The following LRRC66 variants were observed in gnomAD, a reference collection of about 807,000 sequenced individuals.
The protein encoded by LRRC66 is leucine rich repeat containing 66.
In LRRC66, 29 loss-of-function variants were observed where a neutral mutation model predicts 24.6. The ratio of observed to expected loss-of-function variants is 1.18; its 90% CI spans 0.88 to 1.61. The LOEUF is 1.61. Among genes scored for constraint, LRRC66 ranks in the 40% most tolerant of loss-of-function variants. The pLI is 0.00. For missense variants in LRRC66, 1,124 were observed against 1,058.0 expected, an observed-to-expected ratio of 1.06 and a Z score of -0.87; for synonymous variants, 411 against 397.6, an observed-to-expected ratio of 1.03 and a Z score of -0.40.
chr4:51,994,841 C>T lies in LRRC66; in HGVS notation c.2181G>A (p.Glu727=), dbSNP rs764877669. Residue 727 remains glutamate, a synonymous_variant, in exon 5 of 5, where the codon GAG becomes GAA. Coordinates refer to ENST00000682860, the MANE Select transcript of LRRC66 (RefSeq NM_001024611.3). The part of the protein sequence containing the change: ...SSESARSKTE[E]AVPDEESLQD... ...GCAGGGACTCCTCATCAGGCACTGCCTCTTCAGTCTTGCTCCTTGCACTCT... is the reference window on the plus strand; with the variant it reads ...GCAGGGACTCCTCATCAGGCACTGCTTCTTCAGTCTTGCTCCTTGCACTCT... 23 of 1,614,112 alleles carry T rather than the reference C, an allele frequency of 1.4e-5. No homozygotes were observed. The highest frequency in any genetic ancestry group is 2.7e-5 in the African/African-American group (2 of 74,940).
chr4:52,012,690 A>T (rs2110202003), intron 2 of LRRC66, among the ~76,000 whole-genome samples: 1 of 152,202 alleles, frequency 6.6e-6, no homozygotes, highest in East Asian at 1.9e-4. Flanking sequence ...AAGAGAGGAG[A>T]GTTGAATGCT....
chr4:52,007,537 C>T (rs1377329291), intron 2 of LRRC66, among the ~76,000 whole-genome samples: 1 of 152,048 alleles, frequency 6.6e-6, no homozygotes, highest in Non-Finnish European at 1.5e-5. Context: ...GGCCTCCATG[C>T]TTGTTACATT....
intron 2 of LRRC66, among the ~76,000 whole-genome samples, chr4:52,016,901 T>G (rs1260167556): frequency 6.6e-6 from 1 of 152,186 alleles, no homozygotes; most frequent in Non-Finnish European, 1.5e-5. Flanking sequence ...CACATAACAT[T>G]AATGTCAGAT....
rs557223801 is a variant in LRRC66, at chr4:52,005,681, T to C, written c.497-2289A>G. Among the ~76,000 whole-genome samples, 6 of 151,568 alleles carry C rather than the reference T, an allele frequency of 4.0e-5. No homozygotes were observed. The East Asian group carries it at 9.7e-4, about 25-fold the overall frequency. ...TTGAATGAGAGAGAACTAAGGCTTA[T>C]AGTCAGCTTATTCTGGTAAAAAATA... On this transcript the variant is annotated intron_variant, in intron 2 of 4. Transcript: ENST00000682860.
chr4:52,010,330 T>C (rs566605309), intron 2 of LRRC66, among the ~76,000 whole-genome samples: 8 of 152,312 alleles, frequency 5.3e-5, no homozygotes, highest in African/African-American at 1.9e-4. Context: ...TTTAAAATAA[T>C]GTCAACTTTT....
intron 2 of LRRC66, among the ~76,000 whole-genome samples, chr4:52,009,157 AAGAAAAATCAAAAT>A (rs1254788779): frequency 6.6e-6 from 1 of 152,196 alleles, no homozygotes; most frequent in Non-Finnish European, 1.5e-5. Context: ...CCATGGGACC[AAGAAAAATCAAAAT>A]AGAAATAATT....
At chr4:52,018,270 C>T in intron 1 of LRRC66, 1 of 984,966 alleles carries the variant, frequency 1.0e-6, no homozygotes, top group Non-Finnish European at 1.2e-6. Context: ...TAATACGATA[C>T]AGAAACATTG....
At chr4:52,003,087 T>C in intron 3 of LRRC66, 136 bp downstream of exon 3, 1 of 666,972 alleles carries the variant, frequency 1.5e-6, no homozygotes, top group Non-Finnish European at 2.4e-6. Flanking sequence ...TTTTAAGGGA[T>C]CTTAAAATAG....
intron 1 of LRRC66, chr4:52,018,691 G>GC: frequency 1.4e-6 from 1 of 725,426 alleles, no homozygotes; most frequent in Non-Finnish European, 1.7e-6. Context: ...GCTCCTTATT[G>GC]CCTATAGTCC....
rs772578354 is a variant in LRRC66 at position 51,996,085 on chromosome 4, T to C, written c.937A>G (p.Met313Val). Residue 313 changes from methionine (M) to valine (V), a missense_variant, in exon 5 of 5, where the codon ATG becomes GTG. By Grantham distance (21) the Met-to-Val change is conservative. Coordinates refer to ENST00000682860, the MANE Select transcript of LRRC66 (RefSeq NM_001024611.3). Reference protein sequence around the residue: ...TRLPPIHLHRMKSLIRSKAER... With the variant: ...TRLPPIHLHRVKSLIRSKAER... ...GCTTTGCTCCTTATGAGGCTTTTCA[T>C]GCGATGCAGATGAATGGGAGGAAGG... 6.2e-6 allele frequency: 10 copies of C among 1,614,098 alleles called. No individual in the cohort carries two copies. Among genetic ancestry groups the C allele is most frequent in the Non-Finnish European group, 8.5e-6 (10 of 1,180,002 alleles).
In LRRC66 at chr4:52,010,916, A is replaced by G. The variant is rs563856832; in HGVS notation, c.496+6202T>C. The stretch of plus-strand genomic sequence containing the variant: ...GACATGGATAAGTCTCAAAATAATT[A>G]TGCTGAAAAAAGACGTTAGACCAAA... On this transcript the variant is annotated intron_variant, in intron 2 of 4. Coordinates refer to ENST00000682860, the MANE Select transcript of LRRC66 (RefSeq NM_001024611.3). Among the ~76,000 whole-genome samples, 5 of 152,360 alleles carry G rather than the reference A, an allele frequency of 3.3e-5. No individual in the cohort carries two copies. In the South Asian group the frequency reaches 1.0e-3, roughly 32 times the overall value.
rs775097613 is a variant in LRRC66 at position 51,995,927 on chromosome 4, G to T, written c.1095C>A (p.Ala365=). 1 of 1,613,884 alleles carries T rather than the reference G, an allele frequency of 6.2e-7. No individual in the cohort carries two copies. Among genetic ancestry groups the T allele is most frequent in the Admixed American group, 1.7e-5 (1 of 59,994 alleles). ...SVRSTRDVQA[A]GKKEDAPQDL... is the part of the protein sequence containing the mutation. ...CCTGGGGAGCGTCCTCTTTTTTGCC[G>T]GCAGCCTGCACATCGCGGGTGCTTC... is the stretch of plus-strand genomic sequence containing the variant. Residue 365 remains alanine, a synonymous_variant, in exon 5 of 5, where the codon GCC becomes GCA. Coordinates refer to ENST00000682860, the MANE Select transcript of LRRC66 (RefSeq NM_001024611.3).
intron 1 of LRRC66, chr4:52,018,495 C>A (rs1736868491): frequency 1.0e-6 from 1 of 985,248 alleles, no homozygotes; most frequent in Non-Finnish European, 1.2e-6. Flanking sequence ...CCCTTCCTTT[C>A]TGTTCTAATG....
intron 2 of LRRC66, among the ~76,000 whole-genome samples, chr4:52,014,082 C>T (rs139414780): frequency 3.3e-5 from 5 of 152,202 alleles, no homozygotes; most frequent in African/African-American, 7.2e-5. Context: ...GGAGGAGCCC[C>T]GTCTCTACTA....
At chr4:52,000,850 G>A (rs1736431309) in intron 3 of LRRC66, among the ~76,000 whole-genome samples, 1 of 152,236 alleles carries the variant, frequency 6.6e-6, no homozygotes, top group African/African-American at 2.4e-5. Context: ...AGAGCCTTAA[G>A]TGGAGGCCCC....
chr4:52,000,890 T>C (rs1736432407), intron 3 of LRRC66, among the ~76,000 whole-genome samples: 1 of 152,224 alleles, frequency 6.6e-6, no homozygotes, highest in South Asian at 2.1e-4. Context: ...TTCCGTCTCA[T>C]AGAAATTGTG....
At chr4:51,999,100 G>A (rs1181649860) in intron 3 of LRRC66, among the ~76,000 whole-genome samples, 3 of 152,202 alleles carry the variant, frequency 2.0e-5, no homozygotes, top group South Asian at 2.1e-4. Context: ...GCTGGGCTGA[G>A]GAGGCCTGGG....
intron 2 of LRRC66, among the ~76,000 whole-genome samples, chr4:52,010,658 A>G (rs1736679999): frequency 6.6e-6 from 1 of 152,200 alleles, no homozygotes; most frequent in African/African-American, 2.4e-5. Flanking sequence ...AGAGCTGTGT[A>G]GGAGACCATG....
At position 51,994,661 on chromosome 4, in the gene LRRC66, C is replaced by T. The variant is rs1174241670; in HGVS notation, c.2361G>A (p.Lys787=). 1 of 1,614,134 alleles carries T rather than the reference C, an allele frequency of 6.2e-7. No homozygotes were observed. Among genetic ancestry groups the T allele is most frequent in the Admixed American group, 1.7e-5 (1 of 60,020 alleles). The change falls in exon 5 of 5, where the codon AAG becomes AAA. Residue 787 remains lysine (K), a synonymous_variant. Transcript: ENST00000682860. ...LISAPDSGMY[K]THLENASDTD... ...TGTCAGAGGCATTTTCCAGATGAGT[C>T]TTGTACATGCCAGAGTCTGGAGCAG...
Sources: allele counts gnomAD v4.1 joint callset (sites outside exome capture counted in the v4.1 genomes callset), GRCh38; gene constraint gnomAD v4.1.1; transcripts MANE v1.5; gene names NCBI Gene and HGNC (gene_info 2026-07-23, HGNC 2026-07-21).